Variants in TRDN observed in about 807,000 individuals in gnomAD.
TRDN encodes the protein triadin in skeletal muscle.
Under a neutral mutation model 149.7 loss-of-function variants are expected in TRDN, and 161 were observed. That is an observed-to-expected ratio of 1.08 (90% confidence interval 0.95 to 1.23). The LOEUF (loss-of-function observed/expected upper bound fraction) is 1.23. TRDN is among the 50% of genes most tolerant of loss of function. TRDN has a pLI of 0.00. For missense variants in TRDN, 896 were observed against 823.5 expected, an observed-to-expected ratio of 1.09 and a Z score of -1.08; for synonymous variants, 294 against 250.5, an observed-to-expected ratio of 1.17 and a Z score of -1.64.
chr6:123,529,423 G>T, intron 5 of TRDN: 1 of 1,362,114 alleles, frequency 7.3e-7, no homozygotes, highest in Non-Finnish European at 1.0e-6. Context: ...AGAATTGGCT[G>T]ACCAATCTAG....
At chr6:123,626,549 A>G (rs1412226082) in intron 1 of TRDN, among the ~76,000 whole-genome samples, 1 of 152,074 alleles carries the variant, frequency 6.6e-6, no homozygotes, top group Non-Finnish European at 1.5e-5. Context: ...TTCAGCTTCC[A>G]CTTCTAATTC....
intron 38 of TRDN, among the ~76,000 whole-genome samples, chr6:123,244,105 G>C (rs1776089624): frequency 6.6e-6 from 1 of 152,108 alleles, no homozygotes; most frequent in South Asian, 2.1e-4. Context: ...CAACAACAAA[G>C]ATCAAAGTTA....
At chr6:123,296,038 G>A (rs904666870) in intron 24 of TRDN, among the ~76,000 whole-genome samples, 2 of 151,914 alleles carry the variant, frequency 1.3e-5, no homozygotes, top group African/African-American at 4.8e-5. Flanking sequence ...AATCTCAAGA[G>A]TAAATTGCTT....
At chr6:123,552,200 C>T (rs923290133) in intron 2 of TRDN, among the ~76,000 whole-genome samples, 1 of 152,074 alleles carries the variant, frequency 6.6e-6, no homozygotes, top group Non-Finnish European at 1.5e-5. Flanking sequence ...GCCGGGAAAA[C>T]TGCTTTAGGT....
rs368723749 is a variant in TRDN, at chr6:123,555,521, AT to A, written c.233-6910del. Among the ~76,000 whole-genome samples the A allele has an allele frequency of 2.8e-3, 433 of 152,036 alleles. 2 individuals are homozygous for A. The highest frequency in any genetic ancestry group is 9.3e-3 in the African/African-American group (384 of 41,480). On this transcript the variant is annotated intron_variant, in intron 2 of 40. Coordinates refer to ENST00000334268, the MANE Select transcript of TRDN (RefSeq NM_006073.4). ...TACTGGAATTACATATTTTCTTATT[AT>A]TTTTTCTTGAAAAATGCAGGAAGGA...
intron 20 of TRDN, among the ~76,000 whole-genome samples, chr6:123,359,648 TGA>T (rs1303799236): frequency 6.6e-6 from 1 of 151,834 alleles, no homozygotes; most frequent in Non-Finnish European, 1.5e-5. Context: ...AAAGAGAAAA[TGA>T]GGACTTTAGG....
At chr6:123,502,600 T>C in intron 8 of TRDN, 3 of 984,828 alleles carry the variant, frequency 3.0e-6, no homozygotes, top group Non-Finnish European at 3.6e-6. Context: ...AAGATGAAAA[T>C]ACAGTACGAG....
intron 10 of TRDN, among the ~76,000 whole-genome samples, chr6:123,444,083 G>T (rs1392452916): frequency 1.4e-5 from 2 of 148,044 alleles, no homozygotes; most frequent in Non-Finnish European, 3.0e-5. Flanking sequence ...TGATGGGGAT[G>T]GCATTGAATC....
At chr6:123,585,284 G>A (rs1240410092) in intron 1 of TRDN, among the ~76,000 whole-genome samples, 5 of 151,904 alleles carry the variant, frequency 3.3e-5, no homozygotes, top group East Asian at 1.9e-4. Context: ...AACTGGGCAG[G>A]TGGGGATAAT....
intron 32 of TRDN, among the ~76,000 whole-genome samples, chr6:123,265,640 A>G (rs960104267): frequency 6.8e-6 from 1 of 148,126 alleles, no homozygotes; most frequent in African/African-American, 2.5e-5. Context: ...TGAACTTCTT[A>G]CTGTTTCTGA....
intron 20 of TRDN, among the ~76,000 whole-genome samples, chr6:123,353,957 C>T (rs1036123934): frequency 6.6e-6 from 1 of 151,666 alleles, no homozygotes; most frequent in Non-Finnish European, 1.5e-5. Context: ...ATGCTATGCT[C>T]TTTATTTTGC....
chr6:123,452,386 T>G (rs4591866), intron 10 of TRDN, among the ~76,000 whole-genome samples: 82,033 of 151,782 alleles, frequency 0.54, 22,510 homozygotes, highest in East Asian at 0.78. Context: ...ACTGATAAAA[T>G]AATTCAGCAC....
chr6:123,548,567 C>G lies in TRDN; in HGVS notation c.278G>C (p.Arg93Pro). The change falls in exon 3 of 41, where the codon CGT (arginine) becomes CCT (proline). Residue 93 changes from arginine to proline, a missense_variant. By Grantham distance (103) the Arg-to-Pro change is moderately radical. Coordinates refer to ENST00000334268, the MANE Select transcript of TRDN (RefSeq NM_006073.4). The stretch of plus-strand genomic sequence containing the variant: ...GTCCGTGGTTTCCTCCATAGCATCA[C>G]GTACCAGTTTTAAAGGATCTGAGCC... ...KIGSDPLKLV[R>P]DAMEETTDWI... 1.3e-6 allele frequency: 2 copies of G among 1,558,950 alleles called. No homozygotes were observed. Among genetic ancestry groups the G allele is most frequent in the Non-Finnish European group, 1.7e-6 (2 of 1,151,246 alleles).
chr6:123,485,389 C>A (rs1253190591), intron 9 of TRDN, among the ~76,000 whole-genome samples: 1 of 152,086 alleles, frequency 6.6e-6, no homozygotes, highest in Non-Finnish European at 1.5e-5. Context: ...AATTGCTGCT[C>A]TGGGATGATC....
At chr6:123,244,248 G>A (rs1302254195) in intron 38 of TRDN, among the ~76,000 whole-genome samples, 3 of 152,146 alleles carry the variant, frequency 2.0e-5, no homozygotes, top group Non-Finnish European at 4.4e-5. Flanking sequence ...AAAGGAGTTT[G>A]ACGAATTGAC....
In TRDN at chr6:123,467,190, C is replaced by A. The variant is rs1392959112; in HGVS notation, c.854-2207G>T. Reference sequence around the variant, plus strand: ...ACATGATAGTGTGTTGAAGGAAAATCGTATATACTAAGGATATACTGCAGA... The same window carrying A: ...ACATGATAGTGTGTTGAAGGAAAATAGTATATACTAAGGATATACTGCAGA... On this transcript the variant is annotated intron_variant, in intron 9 of 40. Transcript: ENST00000334268. Among the ~76,000 whole-genome samples, 3 of 151,572 alleles carry A rather than the reference C, an allele frequency of 2.0e-5. No homozygotes were observed. In the South Asian group the frequency reaches 6.2e-4, roughly 32 times the overall value.
Position 123,614,300 on chromosome 6 carries a change from CA to C in TRDN, c.22+22453del, listed in dbSNP as rs1199509406. Among the ~76,000 whole-genome samples the C allele has an allele frequency of 8.4e-3, 842 of 99,822 alleles. 11 individuals carry two copies. Among genetic ancestry groups the C allele is most frequent in the African/African-American group, 0.022 (565 of 25,450 alleles). 65.5% of individuals were successfully genotyped at this position (99,822 alleles called of 152,430 possible). On this transcript the variant is annotated intron_variant, in intron 1 of 40. Coordinates refer to ENST00000334268, the MANE Select transcript of TRDN (RefSeq NM_006073.4). ...GAAAGTGCTTCATTAAAAAAAAAAA[CA>C]AAAAAAAAAAAAACAAAAAAAACCC...
chr6:123,393,666 C>T lies in TRDN; in HGVS notation c.1063G>A (p.Ala355Thr). 6.2e-7 allele frequency: 1 copy of T among 1,606,300 alleles called. No individual in the cohort carries two copies. The highest frequency in any genetic ancestry group is 1.1e-5 in the South Asian group (1 of 89,962). ...ACAGTCCCTTGTTTGGTTTCAGAAG[C>T]TTTTCCCGGCTCTTGGAATGAAAAA... ...IDVEKKEPGK[A>T]SETKQGTVKI... Residue 355 changes from alanine (A) to threonine (T), a missense_variant, in exon 13 of 41, where the codon GCT (alanine) becomes ACT (threonine). Transcript: ENST00000334268.
At chr6:123,383,575 T>C (rs4897209) in intron 14 of TRDN, among the ~76,000 whole-genome samples, 79,405 of 151,868 alleles carry the variant, frequency 0.52, 21,507 homozygotes, top group African/African-American at 0.64. Context: ...GGTATATTCA[T>C]ACAATAGAAA....
Sources: gnomAD v4.1 joint callset for allele counts (sites outside exome capture counted in the v4.1 genomes callset) on GRCh38, gnomAD v4.1.1 for gene constraint, MANE v1.5 for transcripts, NCBI Gene and HGNC (gene_info 2026-07-23, HGNC 2026-07-21) for gene names.